FTCDNL1: variants seen among roughly 807,000 people sequenced by gnomAD.
FTCDNL1 encodes formiminotransferase N-terminal subdomain-containing protein.
In FTCDNL1, 11 loss-of-function variants were observed where a neutral mutation model predicts 5.9. The ratio of observed to expected loss-of-function variants is 1.87; its 90% confidence interval spans 1.18 to 3.10. FTCDNL1 has a LOEUF of 3.10. Among genes scored for constraint, FTCDNL1 ranks in the 30% most tolerant of loss-of-function variants. The pLI, the probability that FTCDNL1 is intolerant of heterozygous loss-of-function variation, is 0.00. For synonymous variants in FTCDNL1, 58 were observed against 24.8 expected, an observed-to-expected ratio of 2.34 and a Z score of -3.99; for missense variants, 115 against 65.5, an observed-to-expected ratio of 1.76 and a Z score of -2.61.
chr2:199,780,905 C>T (rs1188273816), intron 3 of FTCDNL1, among the ~76,000 whole-genome samples: 2 of 152,148 alleles, frequency 1.3e-5, no homozygotes, highest in African/African-American at 4.8e-5. Context: ...CTCTTGTGTC[C>T]CCTCATGGAA....
intron 3 of FTCDNL1, among the ~76,000 whole-genome samples, chr2:199,790,817 A>G (rs912354885): frequency 1.4e-4 from 21 of 152,144 alleles, no homozygotes; most frequent in African/African-American, 4.8e-4. Flanking sequence ...TGGCAGACAC[A>G]TGGGATAAAG....
chr2:199,772,541 C>T (rs1161411774), intron 3 of FTCDNL1, among the ~76,000 whole-genome samples: 1 of 152,104 alleles, frequency 6.6e-6, no homozygotes, highest in African/African-American at 2.4e-5. Flanking sequence ...AGCCCTAATC[C>T]TCCCCATGAC....
At position 199,811,151 on chromosome 2, in the gene FTCDNL1, A is replaced by T. The variant is rs76904601; in HGVS notation, c.*1554T>A. The stretch of plus-strand genomic sequence containing the variant: ...CATAATGCTGATTTCATAAAAATTA[A>T]ATTTCCTAACAGTCAATACATCTCT... On this transcript the variant is annotated 3_prime_UTR_variant, in exon 5 of 5. Coordinates refer to ENST00000420128, the MANE Select transcript of FTCDNL1 (RefSeq NM_001363886.2). 2.6e-3 allele frequency among the ~76,000 whole-genome samples: 398 copies of T among 152,328 alleles called. 4 individuals carry two copies. The highest frequency in any genetic ancestry group is 9.0e-3 in the African/African-American group (375 of 41,568).
At chr2:199,760,968 C>A in intron 3 of FTCDNL1, 1 of 676,786 alleles carries the variant, frequency 1.5e-6, no homozygotes, top group East Asian at 2.7e-5. Context: ...CAGCTGTCTT[C>A]CAAGGCTTCA....
chr2:199,820,104 T>C (rs139901600), intron 3 of FTCDNL1, among the ~76,000 whole-genome samples: 1 of 152,326 alleles, frequency 6.6e-6, no homozygotes, highest in East Asian at 1.9e-4. Flanking sequence ...ATTAATGAAA[T>C]TGGTGCCTTC....
At chr2:199,756,730 C>T (rs1324455840), downstream of FTCDNL1, among the ~76,000 whole-genome samples, 1 of 152,128 alleles carries the variant, frequency 6.6e-6, no homozygotes, top group Non-Finnish European at 1.5e-5. Flanking sequence ...CAAATACTTC[C>T]AAATATCCCC....
the FTCDNL1 span, among the ~76,000 whole-genome samples, chr2:199,731,744 C>G: frequency 6.6e-6 from 1 of 151,920 alleles, no homozygotes; most frequent in South Asian, 2.1e-4. Context: ...AAAAATTAGC[C>G]GGGCGTAGTG....
rs531429265 is a variant in FTCDNL1, at chr2:199,826,973, T to C, written c.212-7216A>G. 8.5e-5 allele frequency among the ~76,000 whole-genome samples: 13 copies of C among 152,244 alleles called. No individual in the cohort carries two copies. In the South Asian group the frequency reaches 1.9e-3, roughly 22 times the overall value. ...AATTTTTCAGCACCTAAAAATATGATTGTATTAGGCAAAGATTATGAATGG... is the reference window on the plus strand; with the variant it reads ...AATTTTTCAGCACCTAAAAATATGACTGTATTAGGCAAAGATTATGAATGG... On this transcript the variant is annotated intron_variant, in intron 3 of 4. Coordinates refer to ENST00000420128, the MANE Select transcript of FTCDNL1 (RefSeq NM_001363886.2).
chr2:199,805,465 G>A (rs1457120701), downstream of FTCDNL1, among the ~76,000 whole-genome samples: 2 of 152,122 alleles, frequency 1.3e-5, no homozygotes, highest in African/African-American at 4.8e-5. Context: ...CTGGCTGGGC[G>A]CAGTAGCTCA....
the FTCDNL1 span, among the ~76,000 whole-genome samples, chr2:199,704,618 A>C: frequency 6.6e-6 from 1 of 152,176 alleles, no homozygotes; most frequent in Non-Finnish European, 1.5e-5. Flanking sequence ...GAGCTGGATA[A>C]ATGGGAAGGG....
intron 3 of FTCDNL1, among the ~76,000 whole-genome samples, chr2:199,765,562 T>A (rs1474296013): frequency 6.2e-5 from 6 of 96,700 alleles, no homozygotes; most frequent in Middle Eastern, 4.6e-3. Context: ...ATATATTTTT[T>A]TTTTTTTTTT....
the FTCDNL1 span, among the ~76,000 whole-genome samples, chr2:199,667,241 T>C: frequency 4.6e-5 from 7 of 152,306 alleles, no homozygotes; most frequent in South Asian, 1.5e-3. Context: ...TACTCTAACT[T>C]CAGAACTGGT....
At chr2:199,844,061 C>T (rs955404714) in intron 3 of FTCDNL1, among the ~76,000 whole-genome samples, 1 of 152,050 alleles carries the variant, frequency 6.6e-6, no homozygotes, top group African/African-American at 2.4e-5. Flanking sequence ...ATAGGCAAAA[C>T]ACACCATCAT....
At chr2:199,673,470 T>C in the FTCDNL1 span, among the ~76,000 whole-genome samples, 1 of 152,194 alleles carries the variant, frequency 6.6e-6, no homozygotes, top group Non-Finnish European at 1.5e-5. Flanking sequence ...TAGCTTCTAA[T>C]TTTTGCTACA....
chr2:199,729,465 C>A, the FTCDNL1 span, among the ~76,000 whole-genome samples: 1 of 152,172 alleles, frequency 6.6e-6, no homozygotes, highest in African/African-American at 2.4e-5. Context: ...AACGTCTCAG[C>A]CCAAAAATTC....
chr2:199,763,633 T>C (rs2106252775), intron 3 of FTCDNL1, among the ~76,000 whole-genome samples: 1 of 152,200 alleles, frequency 6.6e-6, no homozygotes, highest in Non-Finnish European at 1.5e-5. Flanking sequence ...ACTTGGGGAT[T>C]TGAATGCCGA....
At chr2:199,844,289 G>A in intron 3 of FTCDNL1, 1 of 431,480 alleles carries the variant, frequency 2.3e-6, no homozygotes, top group South Asian at 5.9e-5. Flanking sequence ...TTTCCCGGGG[G>A]CTGAGGAGTG....
Position 199,765,548 on chromosome 2 carries a change from A to AT in FTCDNL1, c.212-4714dup, listed in dbSNP as rs1242013383. 8.9e-4 allele frequency among the ~76,000 whole-genome samples: 49 copies of AT among 54,830 alleles called. 1 individual carries two copies. The highest frequency in any genetic ancestry group is 1.3e-3 in the Non-Finnish European group (30 of 23,304). The allele number at this position is 54,830 out of a possible 152,430, so 36.0% of individuals were successfully genotyped here. A position where few individuals can be genotyped will look rare whatever the true frequency, so the allele number is the denominator to read the frequency against. On this transcript the variant is annotated intron_variant, in intron 3 of 3. Transcript: ENST00000416668. Reference sequence around the variant, plus strand: ...TTGTCTTCATTATATATATATATATATATATATATTTTTTTTTTTTTTTTT... The same window carrying AT: ...TTGTCTTCATTATATATATATATATATTATATATATTTTTTTTTTTTTTTTT...
the FTCDNL1 span, among the ~76,000 whole-genome samples, chr2:199,674,332 C>A: frequency 6.6e-6 from 1 of 152,120 alleles, no homozygotes; most frequent in Non-Finnish European, 1.5e-5. Flanking sequence ...ATGAATGAGC[C>A]ATGTAGGTCA....
Sources: allele counts gnomAD v4.1 joint callset (sites outside exome capture counted in the v4.1 genomes callset), GRCh38; gene constraint gnomAD v4.1.1; transcripts MANE v1.5; gene names NCBI Gene and HGNC (gene_info 2026-07-23, HGNC 2026-07-21).